The following ELFN1 variants were observed in gnomAD, a reference collection of about 807,000 sequenced individuals.
The protein encoded by ELFN1 is extracellular leucine rich repeat and fibronectin type III domain containing 1, also known as protein ELFN1.
In ELFN1, 6 loss-of-function variants were observed where a neutral mutation model predicts 7.6. The observed-to-expected ratio is 0.79, with a 90% CI of 0.43 to 1.56. The LOEUF (loss-of-function observed/expected upper bound fraction) is 1.56. ELFN1 is among the 40% of genes most tolerant of loss of function. The pLI, the probability that ELFN1 is intolerant of heterozygous loss-of-function variation, is 0.01. For missense variants in ELFN1, 1,169 were observed against 1,232.2 expected, an observed-to-expected ratio of 0.95 and a Z score of 0.77; for synonymous variants, 657 against 588.1, an observed-to-expected ratio of 1.12 and a Z score of -1.70.
At chr7:1,734,995 C>T (rs1224663299) in intron 3 of ELFN1, among the ~76,000 whole-genome samples, 2 of 152,164 alleles carry the variant, frequency 1.3e-5, no homozygotes, top group African/African-American at 4.8e-5. Context: ...GCGCCCGCTC[C>T]GGGAATCTGC....
chr7:1,712,169 T>C (rs1206644596), intron 3 of ELFN1, among the ~76,000 whole-genome samples: 1 of 152,124 alleles, frequency 6.6e-6, no homozygotes, highest in Non-Finnish European at 1.5e-5. Context: ...CCCCCAAGTT[T>C]GTCTGTTTCT....
chr7:1,732,258 A>G (rs1562383245), intron 3 of ELFN1, among the ~76,000 whole-genome samples: 1 of 152,208 alleles, frequency 6.6e-6, no homozygotes, highest in Non-Finnish European at 1.5e-5. Flanking sequence ...CGTCCCAGGC[A>G]GAGGAAACAG....
chr7:1,708,414 G>A (rs567916610), intron 2 of ELFN1, among the ~76,000 whole-genome samples: 1 of 152,354 alleles, frequency 6.6e-6, no homozygotes, highest in South Asian at 2.1e-4. Context: ...CCAGCCCAAG[G>A]TCTGTCACTC....
At chr7:1,737,896 CT>C (rs1780494457) in intron 3 of ELFN1, among the ~76,000 whole-genome samples, 1 of 152,346 alleles carries the variant, frequency 6.6e-6, no homozygotes, top group East Asian at 1.9e-4. Context: ...GTCTGTCCCC[CT>C]GATCAGCACT....
chr7:1,693,954 G>A (rs1779240867), intron 2 of ELFN1: 1 of 386,638 alleles, frequency 2.6e-6, no homozygotes, highest in Non-Finnish European at 5.4e-6. Context: ...CCGTCTGGCT[G>A]TGATTCTTGC....
In ELFN1 at chr7:1,739,825, C is replaced by A. The variant is rs917671701; in HGVS notation, c.-293-4479C>A. On this transcript the variant is annotated intron_variant, in intron 3 of 3. Coordinates refer to ENST00000424383, the MANE Select transcript of ELFN1 (RefSeq NM_001128636.4). The surrounding 1 kb of genome is among the most constrained non-coding windows in gnomAD (Gnocchi z 4.6). ...GGCTCAGAGGGCCCGAGGGGGGACG[C>A]CCGGTGGGGCGGGGCTGAGGATGGA... Among the ~76,000 whole-genome samples, 8 of 152,064 alleles carry A rather than the reference C, an allele frequency of 5.3e-5. No homozygotes were observed. Among genetic ancestry groups the A allele is most frequent in the Admixed American group, 5.2e-4 (8 of 15,282 alleles).
upstream of ELFN1, among the ~76,000 whole-genome samples, chr7:1,669,775 C>A (rs879757293): frequency 4.1e-4 from 62 of 152,294 alleles, no homozygotes; most frequent in Admixed American, 7.2e-4. Context: ...AGGGGCGGAC[C>A]GACGGGAGGA....
Position 1,746,902 on chromosome 7 carries a change from C to T in ELFN1, c.2306C>T (p.Thr769Ile), listed in dbSNP as rs1010838225. The change falls in exon 4 of 4, where the codon ACC (threonine) becomes ATC (isoleucine). Residue 769 changes from threonine (T) to isoleucine (I), a missense_variant. Physicochemically the swap from Thr to Ile is moderately conservative, Grantham distance 89. Coordinates refer to ENST00000424383, the MANE Select transcript of ELFN1 (RefSeq NM_001128636.4). ...SLSYSSSPEY[T>I]CRASQSIWER... ...AGCTACTCCTCCAGCCCCGAGTACA[C>T]CTGCCGGGCCTCCCAGAGCATCTGG... The T allele has an allele frequency of 6.5e-7, 1 of 1,547,684 alleles. No individual in the cohort carries two copies. The highest frequency in any genetic ancestry group is 8.7e-7 in the Non-Finnish European group (1 of 1,145,494).
At chr7:1,720,604 A>G (rs1779990395) in intron 3 of ELFN1, among the ~76,000 whole-genome samples, 1 of 152,148 alleles carries the variant, frequency 6.6e-6, no homozygotes, top group Admixed American at 6.5e-5. Flanking sequence ...CTTGTGTGCC[A>G]AGAACCTCAG....
intron 2 of ELFN1, among the ~76,000 whole-genome samples, chr7:1,701,440 T>C (rs751329828): frequency 6.6e-6 from 1 of 152,214 alleles, no homozygotes; most frequent in East Asian, 1.9e-4. Flanking sequence ...AGAAATTCTT[T>C]ATTTTTATGT....
At position 1,695,136 on chromosome 7, in the gene ELFN1, C is replaced by T. The variant is rs1779273840; in HGVS notation, c.-456+6986C>T. Among the ~76,000 whole-genome samples the T allele has an allele frequency of 6.6e-6, 1 of 152,232 alleles. No individual in the cohort carries two copies. The highest frequency in any genetic ancestry group is 2.4e-5 in the African/African-American group (1 of 41,472). ...CGTGGCCGACAGGCACATGGTGGGA[C>T]CTGCTCTGTGGCTCCAGAGCTCATG... On this transcript the variant is annotated intron_variant, in intron 2 of 3. Transcript: ENST00000424383. The surrounding 1 kb of genome is among the most constrained non-coding windows in gnomAD (Gnocchi z 5.1).
At chr7:1,719,190 A>G (rs1394617268) in intron 3 of ELFN1, among the ~76,000 whole-genome samples, 3 of 119,974 alleles carry the variant, frequency 2.5e-5, no homozygotes, top group Admixed American at 1.6e-4. Flanking sequence ...CACCAACAGG[A>G]CCCAAGCCAC....
At chr7:1,686,660 C>G (rs145753615) in intron 1 of ELFN1, among the ~76,000 whole-genome samples, 1 of 152,066 alleles carries the variant, frequency 6.6e-6, no homozygotes, top group Non-Finnish European at 1.5e-5. Flanking sequence ...ATCCAAAGAT[C>G]GGGTAGTTTT....
rs373223666 is a variant in ELFN1 at position 1,706,358 on chromosome 7, T to G, written c.-455-2733T>G. ...AATTGCTTGAACCCAGGAGGCAGAGTTTGCAGTGAGCCGAGATGGTACCAC... is the reference window on the plus strand; with the variant it reads ...AATTGCTTGAACCCAGGAGGCAGAGGTTGCAGTGAGCCGAGATGGTACCAC... On this transcript the variant is annotated intron_variant, in intron 2 of 3. Coordinates refer to ENST00000424383, the MANE Select transcript of ELFN1 (RefSeq NM_001128636.4). Among the ~76,000 whole-genome samples the G allele has an allele frequency of 2.2e-3, 336 of 151,830 alleles. 2 individuals carry two copies. Among genetic ancestry groups the G allele is most frequent in the South Asian group, 0.013 (64 of 4,790 alleles).
chr7:1,746,484 G>C lies in ELFN1; in HGVS notation c.1888G>C (p.Val630Leu). 6.6e-7 allele frequency: 1 copy of C among 1,506,236 alleles called. No homozygotes were observed. The highest frequency in any genetic ancestry group is 8.8e-7 in the Non-Finnish European group (1 of 1,134,722). The allele number at this position is 1,506,236 out of a possible 1,614,324, so 93.3% of individuals were successfully genotyped here. The change falls in exon 4 of 4, where the codon GTG (valine) becomes CTG (leucine). Residue 630 changes from valine (V) to leucine (L), a missense_variant. By Grantham distance (32) the Val-to-Leu change is conservative. Transcript: ENST00000424383. ...FGHSLQRHHS[V>L]EAAGPPRAST... ...CCACAGCCTGCAGCGGCACCACAGCGTGGAGGCCGCCGGGCCCCCTCGTGC... is the reference window on the plus strand; with the variant it reads ...CCACAGCCTGCAGCGGCACCACAGCCTGGAGGCCGCCGGGCCCCCTCGTGC...
intron 3 of ELFN1, among the ~76,000 whole-genome samples, chr7:1,727,777 T>C (rs547871104): frequency 7.9e-5 from 12 of 152,206 alleles, no homozygotes; most frequent in Admixed American, 2.0e-4. Flanking sequence ...CCCAGCTGAT[T>C]TCTTATTTTT....
intron 2 of ELFN1, among the ~76,000 whole-genome samples, chr7:1,703,473 TG>T (rs1779469732): frequency 6.6e-6 from 1 of 152,246 alleles, no homozygotes. Flanking sequence ...TGATAAGTAT[TG>T]AATTCTGTTT....
At chr7:1,707,363 T>TG (rs1411107048) in intron 2 of ELFN1, among the ~76,000 whole-genome samples, 1 of 152,260 alleles carries the variant, frequency 6.6e-6, no homozygotes, top group African/African-American at 2.4e-5. Flanking sequence ...AGAGCTGGGC[T>TG]GGGTATACAG....
chr7:1,734,796 G>C (rs540947037), intron 3 of ELFN1, among the ~76,000 whole-genome samples: 2 of 151,734 alleles, frequency 1.3e-5, no homozygotes, highest in Admixed American at 1.3e-4. Context: ...CTCCTGAGCC[G>C]GTGGGATCCT....
Sources: allele counts gnomAD v4.1 joint callset (sites outside exome capture counted in the v4.1 genomes callset), GRCh38; gene constraint gnomAD v4.1.1; non-coding constraint Gnocchi (gnomAD v3.1); transcripts MANE v1.5; gene names NCBI Gene and HGNC (gene_info 2026-07-23, HGNC 2026-07-21).